ATL2: variants seen among roughly 807,000 people sequenced by gnomAD.
The protein encoded by ATL2 is atlastin GTPase 2.
ATL2 carries 31 observed loss-of-function variants against 73.9 expected under a neutral mutation model. That is an observed-to-expected ratio of 0.42 (90% CI 0.32 to 0.57). The LOEUF is 0.57. Ranked by LOEUF, ATL2 falls within the 20% of genes least tolerant of loss-of-function variation. ATL2 has a pLI of 0.14. For synonymous variants in ATL2, 291 were observed against 237.5 expected (o/e 1.23, Z -2.07); for missense variants, 738 against 702.6 (o/e 1.05, Z -0.57).
intron 2 of ATL2, among the ~76,000 whole-genome samples, chr2:38,323,480 A>G (rs1475892660): frequency 6.6e-6 from 1 of 151,052 alleles, no homozygotes; most frequent in Non-Finnish European, 1.5e-5. Context: ...CTGGGATTAC[A>G]AGCATGAGCC....
At chr2:38,362,032 C>A (rs538842779) in intron 1 of ATL2, among the ~76,000 whole-genome samples, 1 of 152,086 alleles carries the variant, frequency 6.6e-6, no homozygotes, top group African/African-American at 2.4e-5. Flanking sequence ...AGTGATACAG[C>A]CATAGAAAGG....
intron 1 of ATL2, 106 bp downstream of exon 1, chr2:38,377,037 C>T: frequency 9.7e-7 from 1 of 1,034,254 alleles, no homozygotes; most frequent in Non-Finnish European, 1.4e-6. Flanking sequence ...AGACCTGAAC[C>T]AGCCGCGGAC....
intron 1 of ATL2, among the ~76,000 whole-genome samples, chr2:38,361,964 A>G (rs1671040700): frequency 6.6e-6 from 1 of 152,200 alleles, no homozygotes; most frequent in African/African-American, 2.4e-5. Context: ...TTTCCACTAT[A>G]CCAAACTGCT....
intron 1 of ATL2, among the ~76,000 whole-genome samples, chr2:38,361,553 T>G (rs1671017135): frequency 1.3e-5 from 2 of 152,040 alleles, no homozygotes; most frequent in Non-Finnish European, 1.5e-5. Context: ...AAGAGAAAGG[T>G]TATTGGGTGA....
intron 4 of ATL2, among the ~76,000 whole-genome samples, chr2:38,317,813 G>A (rs1332676441): frequency 7.0e-6 from 1 of 142,636 alleles, no homozygotes; most frequent in Non-Finnish European, 1.5e-5. Context: ...AAAAAAAAAA[G>A]TATGTATTCC....
intron 2 of ATL2, among the ~76,000 whole-genome samples, chr2:38,323,479 C>T (rs1668437880): frequency 6.8e-6 from 1 of 147,966 alleles, no homozygotes. Context: ...GCTGGGATTA[C>T]AAGCATGAGC....
At chr2:38,340,961 GA>G (rs1008656669) in intron 2 of ATL2, among the ~76,000 whole-genome samples, 1 of 152,204 alleles carries the variant, frequency 6.6e-6, no homozygotes, top group Admixed American at 6.5e-5. Flanking sequence ...CCCAGGAAAA[GA>G]GAGTTCCGTT....
At chr2:38,349,954 T>C (rs1670246898) in intron 1 of ATL2, among the ~76,000 whole-genome samples, 3 of 152,166 alleles carry the variant, frequency 2.0e-5, no homozygotes, top group African/African-American at 7.2e-5. Flanking sequence ...CCCATGGTGA[T>C]TTCTCTACCA....
chr2:38,351,651 G>A (rs2124437422), intron 1 of ATL2, among the ~76,000 whole-genome samples: 2 of 151,834 alleles, frequency 1.3e-5, no homozygotes, highest in Admixed American at 6.6e-5. Flanking sequence ...CTGCCACCAC[G>A]CCTGGCTAAT....
chr2:38,300,410 T>A (rs1460910014), intron 9 of ATL2, 82 bp from the exon 10 acceptor site: 2 of 906,656 alleles, frequency 2.2e-6, no homozygotes, highest in African/African-American at 1.7e-5. Flanking sequence ...TCATTAAATA[T>A]AAAAATAATT....
chr2:38,310,438 T>G lies in ATL2; in HGVS notation c.814A>C (p.Asn272His). 1.3e-6 allele frequency: 2 copies of G among 1,593,766 alleles called. No individual in the cohort carries two copies. The highest frequency in any genetic ancestry group is 1.7e-6 in the Non-Finnish European group (2 of 1,172,432). ...ACATTCTGAAGCTCTTCATGTTGAT[T>G]TTGTTTTACCTGAGGGCGGAGAGAG... ...FLEKRLQVKQ[N>H]QHEELQNVRK... Residue 272 changes from asparagine (N) to histidine (H), a missense_variant, in exon 8 of 13, where the codon AAT (asparagine) becomes CAT (histidine). Physicochemically the swap from Asn to His is moderately conservative, Grantham distance 68. Coordinates refer to ENST00000378954, the MANE Select transcript of ATL2 (RefSeq NM_001135673.4).
intron 1 of ATL2, among the ~76,000 whole-genome samples, chr2:38,370,779 A>G (rs1308944798): frequency 2.0e-5 from 3 of 151,954 alleles, no homozygotes; most frequent in East Asian, 3.9e-4. Flanking sequence ...ACGAAACAAA[A>G]CAAAACAAAA....
intron 2 of ATL2, among the ~76,000 whole-genome samples, chr2:38,321,915 G>A (rs185112203): frequency 3.0e-3 from 449 of 152,148 alleles, no homozygotes; most frequent in Non-Finnish European, 5.2e-3. Flanking sequence ...GTTTCGCCAC[G>A]TTGCCCAGGC....
At chr2:38,315,934 C>A (rs533244084) in intron 4 of ATL2, among the ~76,000 whole-genome samples, 1 of 152,244 alleles carries the variant, frequency 6.6e-6, no homozygotes, top group East Asian at 1.9e-4. Context: ...GGCACTCTTG[C>A]CCTTTCCAGA....
intron 1 of ATL2, among the ~76,000 whole-genome samples, chr2:38,355,703 CTTT>C (rs34580648): frequency 1.5e-5 from 2 of 136,884 alleles, no homozygotes; most frequent in Non-Finnish European, 1.6e-5. Context: ...TTGTTTGGTT[CTTT>C]TTTTTTTTTT....
intron 2 of ATL2, among the ~76,000 whole-genome samples, chr2:38,334,028 C>CTTTTTTTT (rs34303299): frequency 1.6e-5 from 2 of 121,654 alleles, no homozygotes; most frequent in African/African-American, 6.7e-5. Context: ...ATCCAATCCT[C>CTTTTTTTT]TTTTTTTTTT....
chr2:38,363,259 T>C (rs1671112608), intron 1 of ATL2, among the ~76,000 whole-genome samples: 1 of 152,046 alleles, frequency 6.6e-6, no homozygotes, highest in South Asian at 2.1e-4. Flanking sequence ...AGCATCTTTA[T>C]TATCAAATGA....
intron 2 of ATL2, among the ~76,000 whole-genome samples, chr2:38,338,671 G>A (rs1669517656): frequency 6.6e-6 from 1 of 152,062 alleles, no homozygotes; most frequent in East Asian, 1.9e-4. Flanking sequence ...TGAGGTTGGG[G>A]TGGAATTAAT....
chr2:38,362,979 A>C (rs1671096516), intron 1 of ATL2, among the ~76,000 whole-genome samples: 1 of 152,210 alleles, frequency 6.6e-6, no homozygotes. Flanking sequence ...CCTCAAAATA[A>C]TTCACTGTAT....
Sources: allele counts gnomAD v4.1 joint callset (sites outside exome capture counted in the v4.1 genomes callset), GRCh38; gene constraint gnomAD v4.1.1; transcripts MANE v1.5; gene names NCBI Gene and HGNC (gene_info 2026-07-23, HGNC 2026-07-21).